PASK: variants seen among roughly 807,000 people sequenced by gnomAD.
The protein encoded by PASK is PAS domain-containing serine/threonine-protein kinase.
A neutral mutation model predicts 121.0 loss-of-function variants in PASK; 110 were observed. The ratio of observed to expected loss-of-function variants is 0.91; its 90% CI spans 0.78 to 1.06. PASK has a LOEUF of 1.06. Ranked by LOEUF, PASK falls within the 50% of genes least tolerant of loss-of-function variation. PASK has a pLI of 0.00. For missense variants in PASK, 1,643 were observed against 1,702.3 expected (o/e 0.97, Z 0.61); for synonymous variants, 686 against 717.8 (o/e 0.96, Z 0.71).
intron 16 of PASK, 67 bp from the exon 17 acceptor site, chr2:241,107,566 T>C: frequency 6.7e-7 from 1 of 1,503,156 alleles, no homozygotes. Flanking sequence ...CTCAGATTCC[T>C]GGGTGCTCAC....
Position 241,122,756 on chromosome 2 carries a change from A to G in PASK, c.3048T>C (p.Ala1016=), listed in dbSNP as rs1387568385. ...CCTCCTTGTTTTTTTCCTTGTCCAC[A>G]GCAGTCCACACGAAGCCGAAGGCCC... The part of the protein sequence containing the change: ...GSGAFGFVWT[A]VDKEKNKEVV... The change falls in exon 12 of 18, where the codon GCT becomes GCC. Residue 1016 remains alanine (A), a synonymous_variant. Coordinates refer to ENST00000234040, the MANE Select transcript of PASK (RefSeq NM_015148.4). 6.2e-7 allele frequency: 1 copy of G among 1,613,960 alleles called. No individual in the cohort carries two copies. Among genetic ancestry groups the G allele is most frequent in the African/African-American group, 1.3e-5 (1 of 74,886 alleles).
Position 241,128,913 on chromosome 2 carries a change from G to A in PASK, c.1464-1462C>T, listed in dbSNP as rs192185817. ...ATACAACCCAAGGGTGGGTTCCACA[G>A]AGAAAGGGATTGTGAGCCAAGTTCT... is the stretch of plus-strand genomic sequence containing the variant. On this transcript the variant is annotated intron_variant, in intron 9 of 17. Coordinates refer to ENST00000234040, the MANE Select transcript of PASK (RefSeq NM_015148.4). Among the ~76,000 whole-genome samples the A allele has an allele frequency of 7.6e-3, 1,150 of 152,022 alleles. 21 individuals carry two copies. Among genetic ancestry groups the A allele is most frequent in the Non-Finnish European group, 6.0e-3 (405 of 67,964 alleles).
chr2:241,134,966 A>C (rs2066338541), intron 8 of PASK, among the ~76,000 whole-genome samples: 1 of 151,938 alleles, frequency 6.6e-6, no homozygotes, highest in African/African-American at 2.4e-5. Context: ...GCGCACCCCC[A>C]CCCCATGCTT....
intron 9 of PASK, among the ~76,000 whole-genome samples, chr2:241,132,093 G>A (rs995715713): frequency 6.6e-6 from 1 of 150,760 alleles, no homozygotes; most frequent in South Asian, 2.1e-4. Flanking sequence ...AAGAAAATGG[G>A]TTAAAAATAC....
intron 1 of PASK, 61 bp from the exon 2 acceptor site, chr2:241,143,135 C>A: frequency 3.4e-6 from 3 of 892,836 alleles, no homozygotes; most frequent in South Asian, 1.4e-5. Flanking sequence ...ACAGTTTAAC[C>A]AACTAATTTA....
intron 12 of PASK, among the ~76,000 whole-genome samples, chr2:241,120,336 T>C (rs1041610174): frequency 6.6e-6 from 1 of 151,804 alleles, no homozygotes; most frequent in Non-Finnish European, 1.5e-5. Flanking sequence ...CTACTAAAAA[T>C]ACAAAAATCA....
chr2:241,119,252 T>G (rs572166302), intron 12 of PASK, among the ~76,000 whole-genome samples: 2 of 152,290 alleles, frequency 1.3e-5, no homozygotes, highest in East Asian at 3.9e-4. Context: ...CAAACTGTCT[T>G]TTCTTTCGGA....
chr2:241,123,237 G>A (rs367951635), intron 11 of PASK, among the ~76,000 whole-genome samples: 47 of 148,594 alleles, frequency 3.2e-4, no homozygotes, highest in African/African-American at 1.1e-3. Flanking sequence ...GTGCAGTGGC[G>A]CAATCTCGGC....
Position 241,140,762 on chromosome 2 carries a change from AGAAGC to A in PASK, c.197-14_197-10del. 6.3e-7 allele frequency: 1 copy of A among 1,583,444 alleles called. No homozygotes were observed. Among genetic ancestry groups the A allele is most frequent in the Non-Finnish European group, 8.7e-7 (1 of 1,152,224 alleles). On this transcript the variant is annotated splice_polypyrimidine_tract_variant and intron_variant, in intron 2 of 17. Coordinates refer to ENST00000234040, the MANE Select transcript of PASK (RefSeq NM_015148.4). Reference sequence around the variant, plus strand: ...GGAGCTCCATCTGTCTTCTGAAAAGAGAAGCGAAGCGAAGCTTTAGACTTCACACA... The same window carrying A: ...GGAGCTCCATCTGTCTTCTGAAAAGAGAAGCGAAGCTTTAGACTTCACACA...
chr2:241,121,716 G>A (rs2065621542), intron 12 of PASK, among the ~76,000 whole-genome samples: 1 of 152,176 alleles, frequency 6.6e-6, no homozygotes, highest in Non-Finnish European at 1.5e-5. Flanking sequence ...AGCTGGAGTA[G>A]TCATACTAAT....
Position 241,127,008 on chromosome 2 carries a change from A to G in PASK, c.1907T>C (p.Leu636Pro). The G allele has an allele frequency of 3.1e-6, 5 of 1,614,212 alleles. No individual in the cohort carries two copies. Among genetic ancestry groups the G allele is most frequent in the Non-Finnish European group, 4.2e-6 (5 of 1,180,030 alleles). Residue 636 changes from leucine (L) to proline (P), a missense_variant, in exon 10 of 18, where the codon CTC (leucine) becomes CCC (proline). Physicochemically the swap from Leu to Pro is moderately conservative, Grantham distance 98 (BLOSUM62 -3). Coordinates refer to ENST00000234040, the MANE Select transcript of PASK (RefSeq NM_015148.4). ...LAPSPSGMAG[L>P]SFGTPTLDEP... Reference sequence around the variant, plus strand: ...ATCTAGAGTAGGTGTCCCAAACGAGAGGCCTGCCATCCCAGAGGGGCTGGG... The same window carrying G: ...ATCTAGAGTAGGTGTCCCAAACGAGGGGCCTGCCATCCCAGAGGGGCTGGG...
Position 241,115,044 on chromosome 2 carries a change from TGTC to T in PASK, c.3329_3331del (p.Arg1110del), listed in dbSNP as rs1379349901. On this transcript the variant is annotated inframe_deletion and splice_region_variant, in exon 14 of 18. Coordinates refer to ENST00000234040, the MANE Select transcript of PASK (RefSeq NM_015148.4). Reference sequence around the variant, plus strand: ...AACACGGCTCTGGCCTGCTCTCACTTGTCGGAAGATGTAGCTCGCCAGGGGCTC... The same window carrying T: ...AACACGGCTCTGGCCTGCTCTCACTTGGAAGATGTAGCTCGCCAGGGGCTC... 9 of 1,614,018 alleles carry T rather than the reference TGTC, an allele frequency of 5.6e-6. No homozygotes were observed. The highest frequency in any genetic ancestry group is 1.3e-5 in the African/African-American group (1 of 74,920).
At chr2:241,149,473 G>A, upstream of PASK, 2 of 611,678 alleles carry the variant, frequency 3.3e-6, no homozygotes, top group Admixed American at 3.0e-5. Flanking sequence ...GCCCTTCCGC[G>A]CTTTTATCCC....
chr2:241,136,856 C>A, intron 7 of PASK, 148 bp downstream of exon 7: 1 of 718,282 alleles, frequency 1.4e-6, no homozygotes, highest in South Asian at 1.6e-5. Flanking sequence ...GCAGGGACCT[C>A]CCTCCCTGGA....
Position 241,142,975 on chromosome 2 carries a change from G to C in PASK, c.58C>G (p.Leu20Val), listed in dbSNP as rs367813291. ...EEDQRCLSQS[L>V]PLPVSAEGPA... ...CCCTCTGCTGACACTGGCAAGGGGA[G>C]GCTCTGGGAAAGGCATCTCTGGTCC... The change falls in exon 2 of 18, where the codon CTC becomes GTC. Residue 20 changes from leucine (L) to valine (V), a missense_variant. By Grantham distance (32) the Leu-to-Val change is conservative. Transcript: ENST00000234040. 1.5e-5 allele frequency: 24 copies of C among 1,613,908 alleles called. No individual in the cohort carries two copies. Among genetic ancestry groups the C allele is most frequent in the Non-Finnish European group, 2.0e-5 (24 of 1,179,944 alleles).
Position 241,136,058 on chromosome 2 carries a change from A to G in PASK, c.1138-19T>C. 9 of 1,610,204 alleles carry G rather than the reference A, an allele frequency of 5.6e-6. No individual in the cohort carries two copies. Among genetic ancestry groups the G allele is most frequent in the Non-Finnish European group, 6.8e-6 (8 of 1,176,526 alleles). On this transcript the variant is annotated intron_variant, in intron 7 of 17. Transcript: ENST00000234040. ...TGATATTCTAGAAAACAAAGCAGGG[A>G]CATTTCAGAACCTGGAGGATCCACG...
upstream of PASK, chr2:241,149,791 T>G: frequency 1.2e-5 from 18 of 1,534,936 alleles, no homozygotes; most frequent in South Asian, 2.1e-4. Flanking sequence ...GCCGGGTGGC[T>G]CCGCAGGGTA....
In PASK at chr2:241,140,517, A is replaced by G; in HGVS notation, c.429+4T>C. The G allele has an allele frequency of 6.3e-7, 1 of 1,591,038 alleles. No homozygotes were observed. Among genetic ancestry groups the G allele is most frequent in the Non-Finnish European group, 8.6e-7 (1 of 1,160,618 alleles). On this transcript the variant is annotated splice_donor_region_variant and intron_variant, in intron 3 of 17. Transcript: ENST00000234040. Reference sequence around the variant, plus strand: ...ACAGCTGGATCTAAAAGAGAAGCAAATACCTCTGTGGTCTTGGCATCCACC... The same window carrying G: ...ACAGCTGGATCTAAAAGAGAAGCAAGTACCTCTGTGGTCTTGGCATCCACC...
intron 1 of PASK, among the ~76,000 whole-genome samples, chr2:241,147,490 A>G (rs2067007619): frequency 6.6e-6 from 1 of 152,154 alleles, no homozygotes; most frequent in Admixed American, 6.6e-5. Flanking sequence ...GTGTGGTGGC[A>G]CATGCTGGTA....
Sources: gnomAD v4.1 joint callset for allele counts (sites outside exome capture counted in the v4.1 genomes callset) on GRCh38, gnomAD v4.1.1 for gene constraint, MANE v1.5 for transcripts, NCBI Gene and HGNC (gene_info 2026-07-23, HGNC 2026-07-21) for gene names.